The following TEP1 variants were observed in gnomAD, a reference collection of about 807,000 sequenced individuals.
TEP1 encodes the protein telomerase protein component 1.
Under a neutral mutation model 306.3 loss-of-function variants are expected in TEP1, and 241 were observed. That is an observed-to-expected ratio of 0.79 (90% confidence interval 0.71 to 0.88). The LOEUF (loss-of-function observed/expected upper bound fraction) is 0.88. TEP1 is among the 40% of genes least tolerant of loss of function. TEP1 has a pLI of 0.00. For missense variants in TEP1, 3,051 were observed against 3,276.1 expected (o/e 0.93, Z 1.68); for synonymous variants, 1,289 against 1,305.5 (o/e 0.99, Z 0.27).
In TEP1 at chr14:20,403,360, C is replaced by G; in HGVS notation, c.1266+17G>C. The G allele has an allele frequency of 6.2e-7, 1 of 1,613,780 alleles. No homozygotes were observed. The highest frequency in any genetic ancestry group is 1.7e-5 in the Admixed American group (1 of 59,952). On this transcript the variant is annotated intron_variant, in intron 7 of 54. Transcript: ENST00000262715. ...GATTGTACATGCACATATACAACCC[C>G]AGAAGAAGGGACTCACCTTTCTCTG...
rs745678289 is a variant in TEP1 at position 20,408,182 on chromosome 14, AG to A, written c.257del (p.Ser86LeufsTer3). The A allele has an allele frequency of 2.5e-5, 40 of 1,612,396 alleles. No individual in the cohort carries two copies. The highest frequency in any genetic ancestry group is 3.2e-5 in the Non-Finnish European group (38 of 1,179,810). ...GTGGTTTCTCCATGGTCTTCAGGTC[AG>A]AAAGTGTGGCCAGGCACTGGTTCTC... The part of the protein sequence containing the change: ...SLENQCLATL[S>X]DLKTMEKPHG... On this transcript the variant is annotated frameshift_variant, in exon 2 of 55. Coordinates refer to ENST00000262715, the MANE Select transcript of TEP1 (RefSeq NM_007110.5). LOFTEE classifies it high-confidence loss of function.
chr14:20,406,092 G>A (rs1879152112), intron 3 of TEP1, 141 bp downstream of exon 3: 2 of 607,008 alleles, frequency 3.3e-6, no homozygotes, highest in Non-Finnish European at 5.4e-6. Context: ...AAAAGAAAAG[G>A]GGATTAGGAA....
chr14:20,400,497 CAAAAAAAAAAAAAAA>C (rs71108598), intron 9 of TEP1, among the ~76,000 whole-genome samples: 11 of 85,488 alleles, frequency 1.3e-4, no homozygotes, highest in Admixed American at 1.3e-4. Flanking sequence ...AAAAGTAGAC[CAAAAAAAAAAAAAAA>C]AAAAAAAAAA....
chr14:20,390,697 G>C lies in TEP1; in HGVS notation c.2318C>G (p.Ala773Gly), dbSNP rs773177980. The change falls in exon 15 of 55, where the codon GCT becomes GGT. Residue 773 changes from alanine to glycine, a missense_variant. Physicochemically the swap from Ala to Gly is moderately conservative, Grantham distance 60. Coordinates refer to ENST00000262715, the MANE Select transcript of TEP1 (RefSeq NM_007110.5). ...NTFGKYLLSLAGQRVPVDRVI... is the reference protein window; with the variant it reads ...NTFGKYLLSLGGQRVPVDRVI... ...AATACTCACAGGAACCCTTTGGCCA[G>C]CCAGAGACAGCAGGTATTTCCCAAA... The C allele has an allele frequency of 5.0e-6, 8 of 1,614,088 alleles. No homozygotes were observed. Among genetic ancestry groups the C allele is most frequent in the Non-Finnish European group, 4.2e-6 (5 of 1,180,044 alleles).
In TEP1 at chr14:20,403,401, C is replaced by T. The variant is rs371591018; in HGVS notation, c.1242G>A (p.Gly414=). ...CCTTTCTCTGCTCTTCTCTGAGAAA[C>T]CCTATGTACCTTGGAAAACATCTGT... ...FSHRCFPRYI[G]FLREEQRKFE... is the part of the protein sequence containing the mutation. The change falls in exon 7 of 55, where the codon GGG becomes GGA. Residue 414 remains glycine, a synonymous_variant. Coordinates refer to ENST00000262715, the MANE Select transcript of TEP1 (RefSeq NM_007110.5). The T allele has an allele frequency of 8.4e-5, 135 of 1,614,166 alleles. No individual in the cohort carries two copies. The highest frequency in any genetic ancestry group is 3.5e-4 in the Admixed American group (21 of 60,014).
rs1878637362 is a variant in TEP1, at chr14:20,400,707, G to A, written c.1549+277C>T. ...GAATGAGTTACAGAGATATCGATAT[G>A]AGTACAATGAGAGAGAAGGTACTTT... On this transcript the variant is annotated intron_variant, in intron 9 of 54. Coordinates refer to ENST00000262715, the MANE Select transcript of TEP1 (RefSeq NM_007110.5). 3 of 379,740 alleles carry A rather than the reference G, an allele frequency of 7.9e-6. No homozygotes were observed. The East Asian group carries it at 1.5e-4, about 19-fold the overall frequency. 23.5% of individuals were successfully genotyped at this position (379,740 alleles called of 1,614,324 possible). A position where few individuals can be genotyped will look rare whatever the true frequency, so the allele number is the denominator to read the frequency against.
At chr14:20,391,851 T>C in intron 12 of TEP1, 84 bp from the exon 13 acceptor site, 1 of 1,488,182 alleles carries the variant, frequency 6.7e-7, no homozygotes, top group Non-Finnish European at 9.2e-7. Context: ...AAGTTGCCAC[T>C]AAGTATTGAG....
rs757392741 is a variant in TEP1, at chr14:20,406,240, T to C, written c.728A>G (p.Glu243Gly). 4.3e-6 allele frequency: 7 copies of C among 1,613,908 alleles called. No homozygotes were observed. Among genetic ancestry groups the C allele is most frequent in the Non-Finnish European group, 5.9e-6 (7 of 1,179,960 alleles). The change falls in exon 3 of 55, where the codon GAA becomes GGA. Residue 243 changes from glutamate to glycine, a missense_variant. Glu to Gly is a moderately conservative substitution (Grantham distance 98). Transcript: ENST00000262715. ...TAACTCTTGAATTTTTACCTTCTTT[T>C]CCTGAAGGACATGGTCAGTAGGCTC... ...HPEPTDHVLQ[E>G]KKMALLSLLC...
intron 34 of TEP1, 54 bp downstream of exon 34, chr14:20,380,181 G>C (rs1467422845): frequency 5.7e-6 from 9 of 1,591,030 alleles, no homozygotes; most frequent in East Asian, 2.2e-5. Context: ...GTTTCAGAAA[G>C]AGCTGCAGCT....
chr14:20,402,573 C>T (rs141409257), intron 7 of TEP1, among the ~76,000 whole-genome samples: 1 of 152,176 alleles, frequency 6.6e-6, no homozygotes, highest in African/African-American at 2.4e-5. Flanking sequence ...TTTATGACAA[C>T]CTAACAATGT....
At chr14:20,406,443 A>G in intron 2 of TEP1, 43 bp from the exon 3 acceptor site, 1 of 1,602,326 alleles carries the variant, frequency 6.2e-7, no homozygotes, top group Non-Finnish European at 8.5e-7. Context: ...AGGTATCCAC[A>G]GCCCCTCAAA....
chr14:20,386,368 C>G, intron 19 of TEP1, 79 bp downstream of exon 19: 1 of 1,572,962 alleles, frequency 6.4e-7, no homozygotes, highest in Non-Finnish European at 8.6e-7. Flanking sequence ...ATTCTTGCAG[C>G]CCCAACCATG....
intron 21 of TEP1, 97 bp downstream of exon 21, chr14:20,384,888 T>C (rs1242400154): frequency 2.5e-6 from 4 of 1,574,466 alleles, no homozygotes; most frequent in Non-Finnish European, 3.5e-6. Flanking sequence ...TTCTGCCTCA[T>C]AGCACTCCCC....
At chr14:20,407,384 A>C (rs955105756) in intron 2 of TEP1, among the ~76,000 whole-genome samples, 3 of 152,194 alleles carry the variant, frequency 2.0e-5, no homozygotes, top group Non-Finnish European at 4.4e-5. Flanking sequence ...TTTGAGACAC[A>C]GTCTCTCTCT....
chr14:20,410,597 T>TC (rs1479336985), intron 1 of TEP1, among the ~76,000 whole-genome samples: 1 of 130,774 alleles, frequency 7.6e-6, no homozygotes, highest in Non-Finnish European at 1.6e-5. Flanking sequence ...TGATTTTTTT[T>TC]TCTTTTTTTT....
Position 20,378,855 on chromosome 14 carries a change from T to A in TEP1, c.5253-2A>T. On this transcript the variant is annotated splice_acceptor_variant, in intron 36 of 54. Transcript: ENST00000262715. LOFTEE classifies it high-confidence loss of function. The stretch of plus-strand genomic sequence containing the variant: ...TGGTGAGCCTTAGTCTGCAGCACCC[T>A]ATCCCAGGAAGATGAAGTCAGTCCT... 1 of 1,614,178 alleles carries A rather than the reference T, an allele frequency of 6.2e-7. No homozygotes were observed.
chr14:20,400,974 G>T lies in TEP1; in HGVS notation c.1549+10C>A. Reference sequence around the variant, plus strand: ...AGAAGGAGGGAATGTGATGGTCAAGGTCACTCTACCAATGAGTTCCTCCCA... The same window carrying T: ...AGAAGGAGGGAATGTGATGGTCAAGTTCACTCTACCAATGAGTTCCTCCCA... On this transcript the variant is annotated intron_variant, in intron 9 of 54. Coordinates refer to ENST00000262715, the MANE Select transcript of TEP1 (RefSeq NM_007110.5). 2 of 1,613,454 alleles carry T rather than the reference G, an allele frequency of 1.2e-6. No homozygotes were observed. Among genetic ancestry groups the T allele is most frequent in the Non-Finnish European group, 1.7e-6 (2 of 1,179,700 alleles).
intron 2 of TEP1, among the ~76,000 whole-genome samples, chr14:20,406,973 C>T (rs1401504427): frequency 6.6e-6 from 1 of 152,114 alleles, no homozygotes; most frequent in Admixed American, 6.5e-5. Context: ...ATTTTAAAGG[C>T]GAGGAAATTA....
intron 13 of TEP1, 102 bp from the exon 14 acceptor site, chr14:20,391,198 T>G: frequency 8.1e-7 from 1 of 1,240,602 alleles, no homozygotes. Context: ...TTAGAGGGAA[T>G]AAGAAAAAGT....
Sources: allele counts gnomAD v4.1 joint callset (sites outside exome capture counted in the v4.1 genomes callset), GRCh38; gene constraint gnomAD v4.1.1; transcripts MANE v1.5; gene names NCBI Gene and HGNC (gene_info 2026-07-23, HGNC 2026-07-21).